RGS6: variants seen among roughly 807,000 people sequenced by gnomAD.
The protein encoded by RGS6 is regulator of G protein signaling 6.
Under a neutral mutation model 78.5 loss-of-function variants are expected in RGS6, and 30 were observed. The ratio of observed to expected loss-of-function variants is 0.38; its 90% confidence interval spans 0.29 to 0.52. The LOEUF (loss-of-function observed/expected upper bound fraction) is 0.52. RGS6 is among the 20% of genes least tolerant of loss of function. The pLI is 0.85. For synonymous variants in RGS6, 206 were observed against 206.0 expected, an observed-to-expected ratio of 1.00 and a Z score of 0.00; for missense variants, 495 against 609.7, an observed-to-expected ratio of 0.81 and a Z score of 1.98.
intron 2 of RGS6, among the ~76,000 whole-genome samples, chr14:72,086,034 G>A (rs1187601013): frequency 6.6e-6 from 1 of 151,924 alleles, no homozygotes; most frequent in Non-Finnish European, 1.5e-5. Context: ...AGGATGCCAA[G>A]GCTGTGACAT....
chr14:72,313,603 G>C (rs2069213716), intron 2 of RGS6, among the ~76,000 whole-genome samples: 1 of 152,078 alleles, frequency 6.6e-6, no homozygotes, highest in Non-Finnish European at 1.5e-5. Context: ...AAATCAGGGA[G>C]CCAAGTGATT....
At chr14:71,905,578 C>T in the RGS6 span, among the ~76,000 whole-genome samples, 2 of 152,296 alleles carry the variant, frequency 1.3e-5, no homozygotes, top group Admixed American at 1.3e-4. Context: ...GCAACCTCCA[C>T]CTCCTGGGTT....
the RGS6 span, among the ~76,000 whole-genome samples, chr14:71,895,067 A>G: frequency 6.6e-6 from 1 of 152,034 alleles, no homozygotes; most frequent in East Asian, 1.9e-4. Context: ...CCCAGCCCAA[A>G]GGTACTTTTC....
chr14:72,381,178 G>A (rs1464846869), intron 3 of RGS6, among the ~76,000 whole-genome samples: 1 of 151,916 alleles, frequency 6.6e-6, no homozygotes, highest in Non-Finnish European at 1.5e-5. Context: ...GTAGAGAGGG[G>A]GAGAGAGTTG....
chr14:72,209,793 TA>T (rs1434630997), intron 2 of RGS6, among the ~76,000 whole-genome samples: 5 of 152,202 alleles, frequency 3.3e-5, no homozygotes, highest in Admixed American at 2.6e-4. Context: ...CATCTATAAC[TA>T]ATTCGTATTG....
intron 2 of RGS6, among the ~76,000 whole-genome samples, chr14:72,031,026 A>G (rs2090792171): frequency 6.6e-6 from 1 of 151,736 alleles, no homozygotes; most frequent in Non-Finnish European, 1.5e-5. Flanking sequence ...TTAATAACAC[A>G]GGATGCAAGA....
intron 2 of RGS6, among the ~76,000 whole-genome samples, chr14:72,268,458 T>C (rs1038287008): frequency 2.0e-5 from 3 of 152,340 alleles, no homozygotes; most frequent in Admixed American, 2.0e-4. Context: ...GGGAGGTGTC[T>C]CAGCCTGAGG....
chr14:72,624,815 T>C, the RGS6 span, among the ~76,000 whole-genome samples: 1 of 152,262 alleles, frequency 6.6e-6, no homozygotes, highest in African/African-American at 2.4e-5. Flanking sequence ...CAATTTCAGT[T>C]GGATCTTTTC....
At chr14:71,948,117 AAC>A (rs1270122691) in intron 1 of RGS6, among the ~76,000 whole-genome samples, 1 of 152,170 alleles carries the variant, frequency 6.6e-6, no homozygotes, top group Non-Finnish European at 1.5e-5. Flanking sequence ...ACTCTTACTC[AAC>A]ACCTTGTCTT....
chr14:72,331,781 G>A (rs2075101611), intron 2 of RGS6, among the ~76,000 whole-genome samples: 1 of 152,196 alleles, frequency 6.6e-6, no homozygotes, highest in African/African-American at 2.4e-5. Flanking sequence ...AGGAAGGGAA[G>A]GAGTGGCCAA....
chr14:72,553,573 T>C (rs968746470), intron 17 of RGS6, among the ~76,000 whole-genome samples: 1 of 152,144 alleles, frequency 6.6e-6, no homozygotes, highest in African/African-American at 2.4e-5. Flanking sequence ...TTTTCTCTCC[T>C]AAGAAACAAG....
intron 2 of RGS6, among the ~76,000 whole-genome samples, chr14:72,071,436 A>G (rs745713441): frequency 3.3e-5 from 5 of 152,206 alleles, no homozygotes; most frequent in African/African-American, 4.8e-5. Context: ...TTGATGATTC[A>G]TTGAGTAAGC....
intron 1 of RGS6, among the ~76,000 whole-genome samples, chr14:71,958,196 C>G (rs1329676494): frequency 6.6e-6 from 1 of 152,122 alleles, no homozygotes; most frequent in Non-Finnish European, 1.5e-5. Context: ...AGTTGAGGAC[C>G]TACTATGTTC....
At chr14:72,058,403 AACTC>A (rs2093724049) in intron 2 of RGS6, among the ~76,000 whole-genome samples, 1 of 152,178 alleles carries the variant, frequency 6.6e-6, no homozygotes, top group Non-Finnish European at 1.5e-5. Context: ...ACGATGACAG[AACTC>A]TAAAATCACA....
chr14:72,419,226 A>G (rs2094022251), intron 3 of RGS6, among the ~76,000 whole-genome samples: 2 of 152,242 alleles, frequency 1.3e-5, no homozygotes, highest in Admixed American at 1.3e-4. Context: ...AGCTAGTAGC[A>G]TTTTTTGAGA....
intron 1 of RGS6, among the ~76,000 whole-genome samples, chr14:71,942,647 G>A (rs1294028768): frequency 3.9e-5 from 6 of 152,210 alleles, no homozygotes; most frequent in Non-Finnish European, 7.3e-5. Context: ...TCCCTCTGGT[G>A]ACATTGAATG....
intron 2 of RGS6, among the ~76,000 whole-genome samples, chr14:72,070,775 A>G (rs552391459): frequency 2.6e-5 from 4 of 152,282 alleles, no homozygotes; most frequent in South Asian, 2.1e-4. Context: ...CCTAGGCTCA[A>G]GTACTCTGGA....
At chr14:72,306,130 G>T (rs146647369) in intron 2 of RGS6, among the ~76,000 whole-genome samples, 1 of 152,126 alleles carries the variant, frequency 6.6e-6, no homozygotes, top group Non-Finnish European at 1.5e-5. Context: ...TAAGAATGAC[G>T]CTAAATCTAC....
At chr14:72,082,634 C>CAT (rs978501337) in intron 2 of RGS6, among the ~76,000 whole-genome samples, 1 of 151,920 alleles carries the variant, frequency 6.6e-6, no homozygotes, top group Non-Finnish European at 1.5e-5. Flanking sequence ...GTACCCCATA[C>CAT]ATATATATAG....
Sources: gnomAD v4.1 joint callset for allele counts (sites outside exome capture counted in the v4.1 genomes callset) on GRCh38, gnomAD v4.1.1 for gene constraint, MANE v1.5 for transcripts, NCBI Gene and HGNC (gene_info 2026-07-23, HGNC 2026-07-21) for gene names.